The following F8 variants were observed in gnomAD, a reference collection of about 807,000 sequenced individuals.
The protein encoded by F8 is coagulation factor VIII.
In F8, 12 loss-of-function variants were observed where a neutral mutation model predicts 140.6. That is an observed-to-expected ratio of 0.09 (90% confidence interval 0.05 to 0.14). The LOEUF (loss-of-function observed/expected upper bound fraction) is 0.14. Among genes scored for constraint, F8 ranks in the 10% least tolerant of loss-of-function variants. The probability of loss-of-function intolerance (pLI) is 1.00; values close to 1 mark genes in which losing one functional copy is unlikely to be tolerated. For synonymous variants in F8, 585 were observed against 614.6 expected (o/e 0.95, Z 0.71); for missense variants, 1,354 against 1,720.7 (o/e 0.79, Z 3.77).
Position 155,005,159 on chromosome X carries a change from T to C in F8, c.144-5559A>G, listed in dbSNP as rs142404022. On this transcript the variant is annotated intron_variant, in intron 1 of 25. Transcript: ENST00000360256. ...ATTAAACTTGAAACTATGGTTGCCA[T>C]CATATTACTTCAGATCACTATTAAG... Among the ~76,000 whole-genome samples, 512 of 111,286 alleles carry C rather than the reference T, an allele frequency of 4.6e-3. 3 individuals are homozygous for C. The highest frequency in any genetic ancestry group is 0.016 in the African/African-American group (478 of 30,580).
chrX:155,013,145 CA>C (rs34940593), intron 1 of F8, among the ~76,000 whole-genome samples: 180 of 34,027 alleles, frequency 5.3e-3, no homozygotes, highest in South Asian at 0.029. Flanking sequence ...GACTCCGTCT[CA>C]AAAAAAAAAA....
At chrX:154,845,731 T>C (rs1160663567) in intron 25 of F8, among the ~76,000 whole-genome samples, 6 of 112,019 alleles carry the variant, frequency 5.4e-5, no homozygotes, top group Non-Finnish European at 9.4e-5. Flanking sequence ...TGTTGATCTT[T>C]TCAAAAAACC....
In F8 at chrX:154,930,554, C is replaced by A; in HGVS notation, c.3236G>T (p.Arg1079Met). 2 of 1,211,106 alleles carry A rather than the reference C, an allele frequency of 1.7e-6. No homozygotes were observed. The highest frequency in any genetic ancestry group is 3.5e-5 in the South Asian group (2 of 56,947). Residue 1079 changes from arginine to methionine, a missense_variant, in exon 14 of 26, where the codon AGG (arginine) becomes ATG (methionine). Arg to Met is a moderately conservative substitution (Grantham distance 91). Transcript: ENST00000360256. ...MLMDKNATAL[R>M]LNHMSNKTTS... ...AGTTTTATTTGACATATGATTTAGCCTCAAAGCTGTAGCATTTTTGTCCAT... is the reference window on the plus strand; with the variant it reads ...AGTTTTATTTGACATATGATTTAGCATCAAAGCTGTAGCATTTTTGTCCAT...
intron 14 of F8, among the ~76,000 whole-genome samples, chrX:154,913,669 C>A (rs782163760): frequency 8.9e-6 from 1 of 112,921 alleles, no homozygotes; most frequent in Non-Finnish European, 1.9e-5. Flanking sequence ...AGTCATTAAA[C>A]CTGAAAGTTC....
chrX:154,982,720 G>A lies in F8; in HGVS notation c.787+1967C>T, dbSNP rs782076154. 6.1e-4 allele frequency among the ~76,000 whole-genome samples: 67 copies of A among 110,533 alleles called. No homozygotes were observed. The highest frequency in any genetic ancestry group is 1.1e-3 in the South Asian group (3 of 2,633). ...CTCCTATTGTTATTGTGCTGAGCTC[G>A]AGTGCTGCAGGCATCCACTGAAAAC... On this transcript the variant is annotated intron_variant, in intron 6 of 25. Coordinates refer to ENST00000360256, the MANE Select transcript of F8 (RefSeq NM_000132.4).
chrX:154,926,014 A>G (rs782215664), intron 14 of F8, among the ~76,000 whole-genome samples: 2 of 112,154 alleles, frequency 1.8e-5, no homozygotes, highest in Non-Finnish European at 3.8e-5. Flanking sequence ...AGGTAACTGA[A>G]TCATGGCAGT....
intron 22 of F8, among the ~76,000 whole-genome samples, chrX:154,893,546 G>A (rs1557275322): frequency 9.0e-6 from 1 of 111,579 alleles, no homozygotes; most frequent in East Asian, 2.8e-4. Context: ...GGGTGGATAT[G>A]CGATTTGCTT....
At chrX:155,001,196 G>GA (rs1485078385) in intron 1 of F8, among the ~76,000 whole-genome samples, 1 of 111,009 alleles carries the variant, frequency 9.0e-6, no homozygotes, top group Non-Finnish European at 1.9e-5. Context: ...GATAGAGAAG[G>GA]AAAATGCAAT....
intron 12 of F8, among the ~76,000 whole-genome samples, chrX:154,950,285 G>A (rs782092878): frequency 4.5e-4 from 50 of 112,130 alleles, no homozygotes; most frequent in African/African-American, 1.5e-3. Context: ...AGGGTATGCC[G>A]ATGTTTGGCT....
intron 9 of F8, among the ~76,000 whole-genome samples, chrX:154,965,076 C>T (rs1315549633): frequency 8.9e-6 from 1 of 111,837 alleles, no homozygotes; most frequent in Non-Finnish European, 1.9e-5. Context: ...AGCCAACAAA[C>T]ATGAAACAAT....
chrX:154,845,309 A>G (rs1171991302), intron 25 of F8, among the ~76,000 whole-genome samples: 3 of 111,752 alleles, frequency 2.7e-5, no homozygotes, highest in African/African-American at 9.8e-5. Context: ...GGCCTCATAA[A>G]ATGAGTTAGG....
chrX:154,930,645 G>T lies in F8; in HGVS notation c.3145C>A (p.Gln1049Lys), dbSNP rs979649827. ...LLIENSPSVW[Q>K]NILESDTEFK... Reference sequence around the variant, plus strand: ...TCAGTGTCACTTTCTAATATATTTTGCCAGACTGATGGACTATTCTCAATT... The same window carrying T: ...TCAGTGTCACTTTCTAATATATTTTTCCAGACTGATGGACTATTCTCAATT... Residue 1049 changes from glutamine to lysine, a missense_variant, in exon 14 of 26, where the codon CAA becomes AAA. Coordinates refer to ENST00000360256, the MANE Select transcript of F8 (RefSeq NM_000132.4). 9.9e-6 allele frequency: 12 copies of T among 1,210,075 alleles called. No individual in the cohort carries two copies. The highest frequency in any genetic ancestry group is 1.1e-5 in the Non-Finnish European group (10 of 894,347).
intron 14 of F8, among the ~76,000 whole-genome samples, chrX:154,916,293 G>T (rs1557277102): frequency 8.9e-6 from 1 of 111,866 alleles, no homozygotes; most frequent in Non-Finnish European, 1.9e-5. Context: ...GTCTTTGTCT[G>T]GTTTGGGTAT....
At chrX:155,013,002 C>T (rs782349416) in intron 1 of F8, among the ~76,000 whole-genome samples, 3 of 108,848 alleles carry the variant, frequency 2.8e-5, no homozygotes, top group East Asian at 2.9e-4. Flanking sequence ...AAAAATTAGC[C>T]AGGCGTGGTG....
At chrX:154,939,013 G>A (rs12014480) in intron 13 of F8, among the ~76,000 whole-genome samples, 7,820 of 110,637 alleles carry the variant, frequency 0.071, 670 homozygotes, top group African/African-American at 0.24. Flanking sequence ...ATGAAGTCAC[G>A]TTGTTTGAAG....
chrX:154,876,150 C>G (rs372409267), intron 22 of F8, among the ~76,000 whole-genome samples: 3 of 94,749 alleles, frequency 3.2e-5, no homozygotes, highest in East Asian at 3.3e-4. Context: ...GACGGAGTCT[C>G]GCTCTGTCGC....
chrX:154,927,455 ACT>A (rs781792597), intron 14 of F8, among the ~76,000 whole-genome samples: 41 of 112,029 alleles, frequency 3.7e-4, no homozygotes, highest in African/African-American at 1.2e-3. Context: ...GAGCACAGAC[ACT>A]CTATTTATTG....
At chrX:154,949,116 C>A (rs1319029502) in intron 12 of F8, among the ~76,000 whole-genome samples, 1 of 112,121 alleles carries the variant, frequency 8.9e-6, no homozygotes, top group African/African-American at 3.2e-5. Flanking sequence ...ACATAACTAA[C>A]AAAAGTAAAG....
At chrX:154,982,264 A>T (rs781829497) in intron 6 of F8, among the ~76,000 whole-genome samples, 1 of 106,234 alleles carries the variant, frequency 9.4e-6, no homozygotes, top group Admixed American at 1.0e-4. Flanking sequence ...TGGCTAACAC[A>T]ATGAAACCCC....
Sources: allele counts gnomAD v4.1 joint callset (sites outside exome capture counted in the v4.1 genomes callset), GRCh38; gene constraint gnomAD v4.1.1; transcripts MANE v1.5; gene names NCBI Gene and HGNC (gene_info 2026-07-23, HGNC 2026-07-21).